Variants in NAALADL2 observed in about 807,000 individuals in gnomAD.
The protein encoded by NAALADL2 is N-acetylated alpha-linked acidic dipeptidase like 2, also known as inactive N-acetylated-alpha-linked acidic dipeptidase-like protein 2.
In NAALADL2, 76 loss-of-function variants were observed where a neutral mutation model predicts 87.2. That is an observed-to-expected ratio of 0.87 (90% CI 0.72 to 1.05). The LOEUF is 1.05. Among genes scored for constraint, NAALADL2 ranks in the 50% least tolerant of loss-of-function variants. The pLI is 0.00. For missense variants in NAALADL2, 1,089 were observed against 945.8 expected, an observed-to-expected ratio of 1.15 and a Z score of -1.99; for synonymous variants, 354 against 331.0, an observed-to-expected ratio of 1.07 and a Z score of -0.75.
chr3:175,063,869 C>T (rs7646337), intron 1 of NAALADL2, among the ~76,000 whole-genome samples: 34,717 of 151,974 alleles, frequency 0.23, 5,879 homozygotes, highest in African/African-American at 0.47. Context: ...GCAACTACAT[C>T]CGTATTTGTC....
chr3:175,792,299 A>C (rs1198622190), intron 13 of NAALADL2, among the ~76,000 whole-genome samples: 1 of 152,194 alleles, frequency 6.6e-6, no homozygotes, highest in Admixed American at 6.5e-5. Flanking sequence ...ACAATTCTTA[A>C]AAATATTAAA....
chr3:174,533,394 A>G (rs2108446297), intron 1 of NAALADL2, among the ~76,000 whole-genome samples: 1 of 152,224 alleles, frequency 6.6e-6, no homozygotes, highest in Admixed American at 6.5e-5. Context: ...TATCAGCCTC[A>G]ACTCCTGTTT....
At chr3:175,421,192 C>G (rs982708730) in intron 5 of NAALADL2, among the ~76,000 whole-genome samples, 16 of 151,888 alleles carry the variant, frequency 1.1e-4, no homozygotes, top group Non-Finnish European at 1.5e-5. Context: ...GCATCACTCC[C>G]ACATAAGAGC....
intron 2 of NAALADL2, among the ~76,000 whole-genome samples, chr3:174,710,024 T>G (rs1301758381): frequency 6.6e-6 from 1 of 152,178 alleles, no homozygotes. Flanking sequence ...TTGAAGTGAA[T>G]GTATTGGCTT....
At chr3:174,847,546 A>G (rs1400259093) in intron 3 of NAALADL2, among the ~76,000 whole-genome samples, 1 of 152,128 alleles carries the variant, frequency 6.6e-6, no homozygotes, top group East Asian at 1.9e-4. Flanking sequence ...CTGATTTTGG[A>G]TGGTTGGCCA....
chr3:174,863,906 A>T (rs1726824184), intron 1 of NAALADL2: 1 of 363,158 alleles, frequency 2.8e-6, no homozygotes, highest in South Asian at 2.1e-5. Flanking sequence ...CTAGCCCTTC[A>T]TGATAGGTTC....
chr3:175,310,905 G>A, intron 4 of NAALADL2, among the ~76,000 whole-genome samples: 1 of 151,384 alleles, frequency 6.6e-6, no homozygotes, highest in East Asian at 1.9e-4. Flanking sequence ...AATCTGTTTG[G>A]TTCAAAAGAA....
chr3:175,433,407 C>A (rs1025224747), intron 5 of NAALADL2, among the ~76,000 whole-genome samples: 1 of 151,994 alleles, frequency 6.6e-6, no homozygotes, highest in African/African-American at 2.4e-5. Context: ...GTTCAAGCTC[C>A]ATTATCATGG....
intron 1 of NAALADL2, among the ~76,000 whole-genome samples, chr3:174,493,557 G>A (rs1718336577): frequency 1.3e-5 from 2 of 152,150 alleles, no homozygotes; most frequent in African/African-American, 4.8e-5. Flanking sequence ...CACACAGTCT[G>A]TGGTAGTTTG....
At chr3:175,616,466 T>C (rs1244625872) in intron 10 of NAALADL2, among the ~76,000 whole-genome samples, 1 of 152,090 alleles carries the variant, frequency 6.6e-6, no homozygotes, top group Non-Finnish European at 1.5e-5. Flanking sequence ...TTACATCTCA[T>C]TTTTTTGCTC....
At chr3:174,925,547 T>G (rs1282455589) in intron 1 of NAALADL2, among the ~76,000 whole-genome samples, 1 of 152,190 alleles carries the variant, frequency 6.6e-6, no homozygotes, top group Non-Finnish European at 1.5e-5. Context: ...TTGTTTTGGC[T>G]ATGCGGGCTC....
At chr3:174,894,909 TAAAC>T (rs1390376006) in intron 1 of NAALADL2, among the ~76,000 whole-genome samples, 2 of 151,916 alleles carry the variant, frequency 1.3e-5, no homozygotes, top group Admixed American at 1.3e-4. Context: ...ACAGGGAAAT[TAAAC>T]AATATGCTCC....
intron 1 of NAALADL2, among the ~76,000 whole-genome samples, chr3:174,526,617 T>TA (rs1720773259): frequency 1.3e-5 from 2 of 152,036 alleles, no homozygotes; most frequent in East Asian, 3.9e-4. Flanking sequence ...TACATTAATT[T>TA]AAAAAATAGC....
chr3:175,449,270 G>A lies in NAALADL2; in HGVS notation c.1234+1898G>A, dbSNP rs192203112. Among the ~76,000 whole-genome samples, 20 of 152,114 alleles carry A rather than the reference G, an allele frequency of 1.3e-4. No individual in the cohort carries two copies. In the East Asian group the frequency reaches 3.7e-3, roughly 28 times the overall value. ...ACTTTTAAATCTTGTTGTAGAGACA[G>A]GATCTTACTATGTTGCCAGGGCTAG... On this transcript the variant is annotated intron_variant, in intron 6 of 13. Coordinates refer to ENST00000454872, the MANE Select transcript of NAALADL2 (RefSeq NM_207015.3).
chr3:174,711,452 T>C (rs1384851770), intron 2 of NAALADL2, among the ~76,000 whole-genome samples: 1 of 152,202 alleles, frequency 6.6e-6, no homozygotes, highest in African/African-American at 2.4e-5. Flanking sequence ...CTTCCACATA[T>C]AGTTAAGTAA....
chr3:174,608,895 A>C (rs1719442041), intron 2 of NAALADL2, among the ~76,000 whole-genome samples: 1 of 152,054 alleles, frequency 6.6e-6, no homozygotes, highest in South Asian at 2.1e-4. Context: ...CTTGATGAAC[A>C]TTGATGCAAA....
At chr3:175,786,141 CTTCAT>C (rs1487133723) in intron 13 of NAALADL2, among the ~76,000 whole-genome samples, 3 of 151,802 alleles carry the variant, frequency 2.0e-5, no homozygotes, top group East Asian at 1.9e-4. Flanking sequence ...ACATTTTTTC[CTTCAT>C]TTCAACTTTG....
intron 6 of NAALADL2, among the ~76,000 whole-genome samples, chr3:175,458,510 T>G (rs890388738): frequency 2.7e-5 from 4 of 147,788 alleles, no homozygotes; most frequent in African/African-American, 9.8e-5. Flanking sequence ...TTAATATAAA[T>G]TCATATGTTC....
intron 5 of NAALADL2, among the ~76,000 whole-genome samples, chr3:175,330,052 C>T (rs1761208846): frequency 6.7e-6 from 1 of 149,802 alleles, no homozygotes; most frequent in Non-Finnish European, 1.5e-5. Flanking sequence ...AAGCACTCTA[C>T]TTTAAATTAA....
Sources: gnomAD v4.1 joint callset for allele counts (sites outside exome capture counted in the v4.1 genomes callset) on GRCh38, gnomAD v4.1.1 for gene constraint, MANE v1.5 for transcripts, NCBI Gene and HGNC (gene_info 2026-07-23, HGNC 2026-07-21) for gene names.